NF1: variants seen among roughly 807,000 people sequenced by gnomAD.
The protein encoded by NF1 is neurofibromin.
In NF1, 122 loss-of-function variants were observed where a neutral mutation model predicts 325.7. The ratio of observed to expected loss-of-function variants is 0.37; its 90% CI spans 0.32 to 0.44. The LOEUF (loss-of-function observed/expected upper bound fraction) is 0.44. NF1 is among the 20% of genes least tolerant of loss of function. The pLI is 1.00. For missense variants in NF1, 2,140 were observed against 3,415.4 expected (o/e 0.63, Z 9.31); for synonymous variants, 1,091 against 1,186.0 (o/e 0.92, Z 1.65).
At chr17:31,097,329 G>A in intron 1 of NF1, among the ~76,000 whole-genome samples, 1 of 151,878 alleles carries the variant, frequency 6.6e-6, no homozygotes, top group Non-Finnish European at 1.5e-5. Flanking sequence ...ATGGTGGCGG[G>A]CGCCTGTAAT....
Position 31,234,772 on chromosome 17 carries a change from C to T in NF1, c.3709-839C>T, listed in dbSNP as rs2067173064. On this transcript the variant is annotated intron_variant, in intron 27 of 57. Coordinates refer to ENST00000358273, the MANE Select transcript of NF1 (RefSeq NM_001042492.3). ...CTTTGAGAAGGAATTTTCTGTTAGG[C>T]CAGATCTCACCTACCACATTATTGT... 2.0e-5 allele frequency among the ~76,000 whole-genome samples: 3 copies of T among 151,406 alleles called. No homozygotes were observed. The South Asian group carries it at 6.3e-4, about 32-fold the overall frequency.
At position 31,358,497 on chromosome 17, in the gene NF1, C is replaced by T. The variant is rs786202579; in HGVS notation, c.7988C>T (p.Ser2663Phe). The change falls in exon 55 of 58, where the codon TCT becomes TTT. Residue 2663 changes from serine (S) to phenylalanine (F), a missense_variant. By Grantham distance (155) the Ser-to-Phe change is radical. Coordinates refer to ENST00000358273, the MANE Select transcript of NF1 (RefSeq NM_001042492.3). ...TCTTTTAGGCATAATTTGTTGGACT[C>T]TAAGATCAACACCCTGTTATCATTG... ...VFPVVHNLLD[S>F]KINTLLSLCQ... is the part of the protein sequence containing the mutation. 1.9e-6 allele frequency: 3 copies of T among 1,613,744 alleles called. No homozygotes were observed. The highest frequency in any genetic ancestry group is 2.5e-6 in the Non-Finnish European group (3 of 1,179,894).
chr17:31,303,471 A>G (rs1398110188), intron 36 of NF1, among the ~76,000 whole-genome samples: 1 of 151,870 alleles, frequency 6.6e-6, no homozygotes, highest in Non-Finnish European at 1.5e-5. Flanking sequence ...CTGTGTTTTG[A>G]TAGTCTCTTT....
At chr17:31,258,293 T>C in intron 31 of NF1, 51 bp from the exon 32 acceptor site, 1 of 1,603,872 alleles carries the variant, frequency 6.2e-7, no homozygotes, top group Non-Finnish European at 8.5e-7. Context: ...TGTTTTCATG[T>C]CTTTATATTA....
At chr17:31,370,989 C>G (rs1193048127) in intron 57 of NF1, among the ~76,000 whole-genome samples, 1 of 151,828 alleles carries the variant, frequency 6.6e-6, no homozygotes. Flanking sequence ...CTGACAAATT[C>G]ATAATTTTAA....
At chr17:31,244,525 G>A (rs1488722725) in intron 29 of NF1, among the ~76,000 whole-genome samples, 1 of 152,118 alleles carries the variant, frequency 6.6e-6, no homozygotes, top group Non-Finnish European at 1.5e-5. Flanking sequence ...GGCTAGGTCT[G>A]TTCTAAGTTC....
At position 31,360,454 on chromosome 17, in the gene NF1, G is replaced by T. The variant is rs1421907176; in HGVS notation, c.8161-33G>T. Reference sequence around the variant, plus strand: ...CAGATGGGGATTTACTTAAAAAAAAGGAACTAAAATAATTTCCTATTTTCC... The same window carrying T: ...CAGATGGGGATTTACTTAAAAAAAATGAACTAAAATAATTTCCTATTTTCC... On this transcript the variant is annotated intron_variant, in intron 56 of 57. Transcript: ENST00000358273. 9 of 1,583,886 alleles carry T rather than the reference G, an allele frequency of 5.7e-6. No individual in the cohort carries two copies. The Admixed American group carries it at 1.3e-4, about 23-fold the overall frequency.
intron 36 of NF1, among the ~76,000 whole-genome samples, chr17:31,324,314 G>T (rs1001047443): frequency 1.3e-5 from 2 of 152,118 alleles, no homozygotes; most frequent in African/African-American, 4.8e-5. Flanking sequence ...TGATCTGCCC[G>T]TCTTGGCCTC....
intron 8 of NF1, among the ~76,000 whole-genome samples, chr17:31,195,607 T>C (rs2066421997): frequency 6.6e-6 from 1 of 152,162 alleles, no homozygotes; most frequent in Non-Finnish European, 1.5e-5. Flanking sequence ...CTCATATAAG[T>C]GGACTCATAC....
At position 31,230,032 on chromosome 17, in the gene NF1, C is replaced by A. The variant is rs2151431011; in HGVS notation, c.2990+58C>A. 3 of 1,579,556 alleles carry A rather than the reference C, an allele frequency of 1.9e-6. No individual in the cohort carries two copies. The Admixed American group carries it at 5.0e-5, about 26-fold the overall frequency. Reference sequence around the variant, plus strand: ...TTTAAGAGATAAGAAAAACCTCTTACACACTGATACTGGTAGTAATTGATA... The same window carrying A: ...TTTAAGAGATAAGAAAAACCTCTTAAACACTGATACTGGTAGTAATTGATA... On this transcript the variant is annotated intron_variant, in intron 22 of 57. Coordinates refer to ENST00000358273, the MANE Select transcript of NF1 (RefSeq NM_001042492.3).
chr17:31,227,483 A>G (rs777086993), intron 19 of NF1, 40 bp from the exon 20 acceptor site: 10 of 1,601,166 alleles, frequency 6.2e-6, no homozygotes, highest in South Asian at 2.2e-5. Flanking sequence ...GTTTAGCTCT[A>G]GACTAAGTTG....
At chr17:31,204,661 A>G (rs182026785) in intron 11 of NF1, among the ~76,000 whole-genome samples, 4 of 152,216 alleles carry the variant, frequency 2.6e-5, no homozygotes, top group East Asian at 1.9e-4. Flanking sequence ...TGGTACCACA[A>G]TACGGTTTCA....
chr17:31,274,963 C>A (rs1230322961), intron 36 of NF1, among the ~76,000 whole-genome samples: 1 of 152,128 alleles, frequency 6.6e-6, no homozygotes, highest in Non-Finnish European at 1.5e-5. Flanking sequence ...ATTGTATCAT[C>A]ACCTAGCCAA....
In NF1 at chr17:31,218,953, C is replaced by G. The variant is rs111370718; in HGVS notation, c.1528-52C>G. ...CTGTCTATTTCTTCCTCCTTCTAAT[C>G]TCTCTCGATTTATTTATTTTTTTAA... On this transcript the variant is annotated intron_variant, in intron 13 of 57. Transcript: ENST00000358273. The G allele has an allele frequency of 3.2e-5, 48 of 1,510,460 alleles. 2 individuals are homozygous for G. Among genetic ancestry groups the G allele is most frequent in the African/African-American group, 2.7e-4 (19 of 71,460 alleles). The allele number at this position is 1,510,460 out of a possible 1,614,324, so 93.6% of individuals were successfully genotyped here.
chr17:31,191,748 A>G (rs2066346105), intron 8 of NF1, among the ~76,000 whole-genome samples: 1 of 152,364 alleles, frequency 6.6e-6, no homozygotes, highest in East Asian at 1.9e-4. Context: ...TATAAAAGAA[A>G]AAAGTATTAA....
At chr17:31,175,852 T>C (rs913826902) in intron 5 of NF1, among the ~76,000 whole-genome samples, 1 of 152,232 alleles carries the variant, frequency 6.6e-6, no homozygotes, top group African/African-American at 2.4e-5. Flanking sequence ...GGACGGGAAC[T>C]TATCCTTTTC....
intron 46 of NF1, among the ~76,000 whole-genome samples, chr17:31,339,041 GA>G (rs2069754670): frequency 1.3e-5 from 2 of 152,096 alleles, no homozygotes; most frequent in Admixed American, 6.6e-5. Context: ...AGTGCTAAAG[GA>G]AAGATAGGTA....
chr17:31,262,693 A>G (rs1370908118), intron 35 of NF1, among the ~76,000 whole-genome samples: 1 of 152,210 alleles, frequency 6.6e-6, no homozygotes, highest in African/African-American at 2.4e-5. Flanking sequence ...TGTTAAAAGA[A>G]TATATGAATA....
intron 1 of NF1, among the ~76,000 whole-genome samples, chr17:31,096,375 A>AT (rs1255273764): frequency 6.6e-6 from 1 of 152,100 alleles, no homozygotes. Flanking sequence ...GGATGAAAAA[A>AT]AAGTTTTGTA....
Sources: allele counts gnomAD v4.1 joint callset (sites outside exome capture counted in the v4.1 genomes callset), GRCh38; gene constraint gnomAD v4.1.1; transcripts MANE v1.5; gene names NCBI Gene and HGNC (gene_info 2026-07-23, HGNC 2026-07-21).